POLRMT: variants seen among roughly 807,000 people sequenced by gnomAD.
POLRMT encodes DNA-directed RNA polymerase, mitochondrial.
POLRMT carries 114 observed loss-of-function variants against 132.2 expected under a neutral mutation model. The ratio of observed to expected loss-of-function variants is 0.86; its 90% confidence interval spans 0.74 to 1.01. The LOEUF (loss-of-function observed/expected upper bound fraction) is 1.01. Among genes scored for constraint, POLRMT ranks in the 50% least tolerant of loss-of-function variants. POLRMT has a pLI of 0.00. For synonymous variants in POLRMT, 1,020 were observed against 773.4 expected (o/e 1.32, Z -5.29); for missense variants, 2,003 against 1,729.1 (o/e 1.16, Z -2.81).
Position 622,812 on chromosome 19 carries a change from A to AAGACGCACCTGCAGGAGC in POLRMT, c.1446_1455+8dup, listed in dbSNP as rs1984727738. 3 of 1,582,382 alleles carry AAGACGCACCTGCAGGAGC rather than the reference A, an allele frequency of 1.9e-6. No individual in the cohort carries two copies. Among genetic ancestry groups the AAGACGCACCTGCAGGAGC allele is most frequent in the East Asian group, 4.6e-5 (2 of 43,068 alleles). On this transcript the variant is annotated intron_variant, in intron 7 of 20. Transcript: ENST00000588649. ...GCCCGGGGACCCGGCCGCGCGGAGGAAGACGCACCTGCAGGAGCATCCGCA... is the reference window on the plus strand; with the variant it reads ...GCCCGGGGACCCGGCCGCGCGGAGGAAGACGCACCTGCAGGAGCAGACGCACCTGCAGGAGCATCCGCA...
chr19:626,638 A>G (rs1345797456), intron 3 of POLRMT, among the ~76,000 whole-genome samples: 3 of 133,110 alleles, frequency 2.3e-5, no homozygotes, highest in Non-Finnish European at 4.6e-5. Flanking sequence ...TACAAAAAAA[A>G]AAAAAAAAAA....
intron 2 of POLRMT, among the ~76,000 whole-genome samples, chr19:632,429 G>A (rs1461290975): frequency 6.6e-6 from 1 of 152,054 alleles, no homozygotes; most frequent in Non-Finnish European, 1.5e-5. Context: ...AAGTTTCGCA[G>A]TCATCCAGTC....
At chr19:618,270 G>C (rs1984172652) in intron 17 of POLRMT, 1 of 570,258 alleles carries the variant, frequency 1.8e-6, no homozygotes, top group South Asian at 2.3e-5. Flanking sequence ...CAGCGCCCAT[G>C]CTCGGCTCTC....
chr19:619,164 A>T, intron 14 of POLRMT, 46 bp downstream of exon 14: 1 of 1,609,918 alleles, frequency 6.2e-7, no homozygotes, highest in East Asian at 2.2e-5. Context: ...GATCCCGTCC[A>T]CTTGCTTAGG....
chr19:629,117 C>T lies in POLRMT; in HGVS notation c.822+423G>A, dbSNP rs535340722. The stretch of plus-strand genomic sequence containing the variant: ...TCTAAAGCTGTGCTCAGAGGGAATG[C>T]GGCGCCAGTGAACACCCACATTTCA... On this transcript the variant is annotated intron_variant, in intron 3 of 20. Transcript: ENST00000588649. Among the ~76,000 whole-genome samples the T allele has an allele frequency of 3.9e-5, 6 of 152,240 alleles. No individual in the cohort carries two copies. In the South Asian group the frequency reaches 1.0e-3, roughly 26 times the overall value.
chr19:625,375 G>T, intron 3 of POLRMT, 121 bp from the exon 4 acceptor site: 1 of 1,385,896 alleles, frequency 7.2e-7, no homozygotes, highest in Non-Finnish European at 9.9e-7. Flanking sequence ...CACCAGGCAG[G>T]AGTGGCCAGC....
At position 620,857 on chromosome 19, in the gene POLRMT, G is replaced by A. The variant is rs1295392224; in HGVS notation, c.2640+201C>T. Among the ~76,000 whole-genome samples, 55 of 104,572 alleles carry A rather than the reference G, an allele frequency of 5.3e-4. No homozygotes were observed. The East Asian group carries it at 0.011, about 21-fold the overall frequency. The allele number at this position is 104,572 out of a possible 152,430, so 68.6% of individuals were successfully genotyped here. A position where few individuals can be genotyped will look rare whatever the true frequency, so the allele number is the denominator to read the frequency against. ...GAGAAGCAGGACGGGCAGGGGGCGC[G>A]GGGGAGGAGAGCGGGCGGGGGACGT... is the stretch of plus-strand genomic sequence containing the variant. On this transcript the variant is annotated intron_variant, in intron 10 of 20. Coordinates refer to ENST00000588649, the MANE Select transcript of POLRMT (RefSeq NM_005035.4).
chr19:630,300 T>G lies in POLRMT; in HGVS notation c.194-132A>C, dbSNP rs995877250. 4.6e-6 allele frequency: 5 copies of G among 1,085,268 alleles called. No individual in the cohort carries two copies. In the East Asian group the frequency reaches 1.3e-4, roughly 27 times the overall value. 67.2% of individuals were successfully genotyped at this position (1,085,268 alleles called of 1,614,324 possible). A position where few individuals can be genotyped will look rare whatever the true frequency, so the allele number is the denominator to read the frequency against. On this transcript the variant is annotated intron_variant, in intron 2 of 20. Transcript: ENST00000588649. ...TGGGACCCAAGGCGTGAATTCCTCATACTTGCCAACAACGTTGTAAGGTCT... is the reference window on the plus strand; with the variant it reads ...TGGGACCCAAGGCGTGAATTCCTCAGACTTGCCAACAACGTTGTAAGGTCT...
At chr19:620,547 AGGCTGTGT>A in intron 10 of POLRMT, 60 bp from the exon 11 acceptor site, 1 of 1,469,850 alleles carries the variant, frequency 6.8e-7, no homozygotes, top group East Asian at 2.4e-5. Flanking sequence ...GCCCGCTGGG[AGGCTGTGT>A]TGCGGGGAGG....
At chr19:620,146 A>AC (rs1383215805) in intron 11 of POLRMT, 66 bp from the exon 12 acceptor site, 2 of 1,497,508 alleles carry the variant, frequency 1.3e-6, no homozygotes, top group Non-Finnish European at 1.8e-6. Context: ...ACCCCAAACC[A>AC]CCCCCCAGGT....
In POLRMT at chr19:633,526, C is replaced by G; in HGVS notation, c.-14G>C. The G allele has an allele frequency of 4.2e-6, 6 of 1,436,170 alleles. No individual in the cohort carries two copies. Among genetic ancestry groups the G allele is most frequent in the Non-Finnish European group, 5.4e-6 (6 of 1,101,096 alleles). 89.0% of individuals were successfully genotyped at this position (1,436,170 alleles called of 1,614,324 possible). ...AAGTGCCGACATTACGCACGCCGCTCCAGGCCACCCCACCGGCCCGCGCCT... is the reference window on the plus strand; with the variant it reads ...AAGTGCCGACATTACGCACGCCGCTGCAGGCCACCCCACCGGCCCGCGCCT... On this transcript the variant is annotated 5_prime_UTR_variant, in exon 1 of 21. Transcript: ENST00000588649.
chr19:622,549 C>A (rs1005877271), intron 8 of POLRMT, 33 bp downstream of exon 8: 2 of 1,567,220 alleles, frequency 1.3e-6, no homozygotes, highest in Admixed American at 3.6e-5. Flanking sequence ...CACCACTGGC[C>A]CCAGCCAGGA....
Position 618,750 on chromosome 19 carries a change from C to A in POLRMT, c.3278G>T (p.Gly1093Val). Residue 1093 changes from glycine to valine, a missense_variant, in exon 16 of 21, where the codon GGT becomes GTT. Transcript: ENST00000588649. ...RLDSKVKQIG[G>V]GIQSITYTHN... ...GGTGTAGGTGATGCTCTGAATTCCACCTCCTATTTGCTAAAAAGGGGAAGG... is the reference window on the plus strand; with the variant it reads ...GGTGTAGGTGATGCTCTGAATTCCAACTCCTATTTGCTAAAAAGGGGAAGG... The A allele has an allele frequency of 1.9e-6, 3 of 1,603,406 alleles. No individual in the cohort carries two copies. Among genetic ancestry groups the A allele is most frequent in the Non-Finnish European group, 2.6e-6 (3 of 1,175,640 alleles).
At chr19:629,436 A>G in intron 3 of POLRMT, 104 bp downstream of exon 3, 2 of 1,147,296 alleles carry the variant, frequency 1.7e-6, no homozygotes, top group South Asian at 2.8e-5. Context: ...TAAAAAACAA[A>G]GGACTTGAAC....
In POLRMT at chr19:619,968, A is replaced by T. The variant is rs1353621737; in HGVS notation, c.2876T>A (p.Val959Glu). The change falls in exon 12 of 21, where the codon GTG becomes GAG. Residue 959 changes from valine to glutamate, a missense_variant. Physicochemically the swap from Val to Glu is moderately radical, Grantham distance 121 (BLOSUM62 -2). Transcript: ENST00000588649. ...CAGGGCACACCCTACCTGCGCGGCC[A>T]CGCCGCTGTACACGTCCTGCGGCAC... is the stretch of plus-strand genomic sequence containing the variant. ...SDVPQDVYSGVAAQVEVFRRQ... is the reference protein window; with the variant it reads ...SDVPQDVYSGEAAQVEVFRRQ... 3 of 1,600,736 alleles carry T rather than the reference A, an allele frequency of 1.9e-6. No homozygotes were observed. Among genetic ancestry groups the T allele is most frequent in the Non-Finnish European group, 2.5e-6 (3 of 1,177,640 alleles).
At position 619,733 on chromosome 19, in the gene POLRMT, C is replaced by G; in HGVS notation, c.2919G>C (p.Arg973=). ...CCAGCACCTGTGCCACCCGCATGCC[C>G]CGCTGGGCGTCCTGCCTACGGAACA... ...VEVFRRQDAQ[R]GMRVAQVLEG... is the part of the protein sequence containing the mutation. Residue 973 remains arginine, a synonymous_variant, in exon 13 of 21, where the codon CGG becomes CGC. Transcript: ENST00000588649. The G allele has an allele frequency of 6.3e-7, 1 of 1,596,038 alleles. No individual in the cohort carries two copies. Among genetic ancestry groups the G allele is most frequent in the Non-Finnish European group, 8.5e-7 (1 of 1,171,300 alleles).
At chr19:620,119 A>G (rs763465617) in intron 11 of POLRMT, 39 bp from the exon 12 acceptor site, 1 of 1,533,052 alleles carries the variant, frequency 6.5e-7, no homozygotes. Flanking sequence ...GAAGCTAGAG[A>G]GGCAGAGACG....
In POLRMT at chr19:621,316, G is replaced by T. The variant is rs766343195; in HGVS notation, c.2382C>A (p.Phe794Leu). The part of the protein sequence containing the change: ...SLAQHLRDRV[F>L]WLPHNMDFRG... ...GGAAGTCCATGTTGTGCGGCAGCCAGAAGACGCGGTCCCGCAGGTGCTGCG... is the reference window on the plus strand; with the variant it reads ...GGAAGTCCATGTTGTGCGGCAGCCATAAGACGCGGTCCCGCAGGTGCTGCG... The change falls in exon 10 of 21, where the codon TTC becomes TTA. Residue 794 changes from phenylalanine (F) to leucine (L), a missense_variant. By Grantham distance (22) the Phe-to-Leu change is conservative. Transcript: ENST00000588649. 5 of 1,597,350 alleles carry T rather than the reference G, an allele frequency of 3.1e-6. No individual in the cohort carries two copies. The highest frequency in any genetic ancestry group is 1.7e-5 in the Admixed American group (1 of 59,342).
chr19:629,481 A>C, intron 3 of POLRMT, 59 bp downstream of exon 3: 1 of 1,430,798 alleles, frequency 7.0e-7, no homozygotes, highest in Non-Finnish European at 9.2e-7. Flanking sequence ...AGTCTAAATG[A>C]GGGCAAGTTC....
Sources: allele counts gnomAD v4.1 joint callset (sites outside exome capture counted in the v4.1 genomes callset), GRCh38; gene constraint gnomAD v4.1.1; transcripts MANE v1.5; gene names NCBI Gene and HGNC (gene_info 2026-07-23, HGNC 2026-07-21).